CLYBL: variants seen among roughly 807,000 people sequenced by gnomAD.
CLYBL encodes the protein citramalyl-CoA lyase, mitochondrial.
A neutral mutation model predicts 38.9 loss-of-function variants in CLYBL; 31 were observed. That is an observed-to-expected ratio of 0.80 (90% CI 0.60 to 1.08). CLYBL has a LOEUF of 1.08. Among genes scored for constraint, CLYBL ranks in the 50% least tolerant of loss-of-function variants. The probability of loss-of-function intolerance (pLI) is 0.00; values close to 1 mark genes in which losing one functional copy is unlikely to be tolerated. For missense variants in CLYBL, 434 were observed against 411.6 expected (o/e 1.05, Z -0.47); for synonymous variants, 171 against 158.6 (o/e 1.08, Z -0.59).
At chr13:99,740,887 G>A (rs920119052) in intron 1 of CLYBL, among the ~76,000 whole-genome samples, 2 of 152,188 alleles carry the variant, frequency 1.3e-5, no homozygotes. Context: ...GATGGGCACC[G>A]TCCCTGGAGA....
intron 1 of CLYBL, among the ~76,000 whole-genome samples, chr13:99,663,351 G>A (rs1480504511): frequency 6.6e-6 from 1 of 152,164 alleles, no homozygotes; most frequent in African/African-American, 2.4e-5. Flanking sequence ...TTACGTGGCT[G>A]AAGAAGAATG....
downstream of CLYBL, among the ~76,000 whole-genome samples, chr13:99,901,059 T>C (rs1297992297): frequency 1.3e-5 from 2 of 152,036 alleles, no homozygotes; most frequent in African/African-American, 4.8e-5. Flanking sequence ...GGCTGGAAAA[T>C]GTCTTGGGTT....
At chr13:99,725,789 G>A (rs1049733913) in intron 1 of CLYBL, among the ~76,000 whole-genome samples, 1 of 152,276 alleles carries the variant, frequency 6.6e-6, no homozygotes, top group Non-Finnish European at 1.5e-5. Flanking sequence ...TCCCGGGGAG[G>A]CATTGTGGTG....
At chr13:99,733,715 C>G (rs569554203) in intron 1 of CLYBL, among the ~76,000 whole-genome samples, 1 of 152,332 alleles carries the variant, frequency 6.6e-6, no homozygotes, top group East Asian at 1.9e-4. Context: ...TTCTGAACAA[C>G]TGGAATTAAT....
intron 1 of CLYBL, among the ~76,000 whole-genome samples, chr13:99,634,019 A>G (rs2046985619): frequency 6.6e-6 from 1 of 152,190 alleles, no homozygotes; most frequent in Admixed American, 6.5e-5. Flanking sequence ...CCATTAACTC[A>G]CTGATCCCTT....
At chr13:99,670,886 T>C (rs1012989404) in intron 1 of CLYBL, among the ~76,000 whole-genome samples, 1 of 152,178 alleles carries the variant, frequency 6.6e-6, no homozygotes, top group Non-Finnish European at 1.5e-5. Flanking sequence ...GAGAATCAGA[T>C]CATGTCACTT....
At chr13:99,887,245 C>T (rs530067075) in intron 7 of CLYBL, among the ~76,000 whole-genome samples, 74 of 152,248 alleles carry the variant, frequency 4.9e-4, no homozygotes, top group South Asian at 2.1e-3. Flanking sequence ...AAGTCCCCCC[C>T]GCCCATTGTT....
At chr13:99,799,377 T>TCACACACACACCA (rs1555308850) in intron 2 of CLYBL, among the ~76,000 whole-genome samples, 1 of 150,176 alleles carries the variant, frequency 6.7e-6, no homozygotes, top group Non-Finnish European at 1.5e-5. Flanking sequence ...ATACACACAT[T>TCACACACACACCA]CACACACACA....
chr13:99,701,138 T>C (rs989745786), intron 1 of CLYBL, among the ~76,000 whole-genome samples: 1 of 152,180 alleles, frequency 6.6e-6, no homozygotes, highest in South Asian at 2.1e-4. Flanking sequence ...ACCAAGTCTC[T>C]AAATAATCTC....
At chr13:99,819,001 G>A (rs1393312321) in intron 2 of CLYBL, among the ~76,000 whole-genome samples, 3 of 151,894 alleles carry the variant, frequency 2.0e-5, no homozygotes, top group South Asian at 2.1e-4. Flanking sequence ...CTCTACAAGG[G>A]GACTTTTATA....
intron 1 of CLYBL, among the ~76,000 whole-genome samples, chr13:99,732,216 T>C (rs1301936072): frequency 1.4e-5 from 2 of 138,450 alleles, no homozygotes; most frequent in Non-Finnish European, 3.1e-5. Flanking sequence ...CCTTGTCACC[T>C]TGTCACCTAT....
Position 99,746,572 on chromosome 13 carries a change from G to A in CLYBL, c.63-26252G>A, listed in dbSNP as rs997049514. ...TCAACAGTGGGCATTCTAACTAGGG[G>A]CCTCTGCTTTGAATGTTCCTCATTG... On this transcript the variant is annotated intron_variant, in intron 1 of 8. Transcript: ENST00000339105. Among the ~76,000 whole-genome samples, 29 of 152,082 alleles carry A rather than the reference G, an allele frequency of 1.9e-4. 1 individual carries two copies. Among genetic ancestry groups the A allele is most frequent in the Admixed American group, 1.8e-3 (27 of 15,268 alleles).
Position 99,716,937 on chromosome 13 carries a change from A to C in CLYBL, c.63-55887A>C, listed in dbSNP as rs928571167. 7.4e-4 allele frequency among the ~76,000 whole-genome samples: 111 copies of C among 150,514 alleles called. 1 individual carries two copies. The highest frequency in any genetic ancestry group is 1.9e-4 in the Non-Finnish European group (13 of 67,614). ...CTCCCAAGTAGCTGGGATTACAGGC[A>C]TGTGCCACCACGTCCAGCTAATTTT... is the stretch of plus-strand genomic sequence containing the variant. On this transcript the variant is annotated intron_variant, in intron 1 of 8. Coordinates refer to ENST00000339105, the MANE Select transcript of CLYBL (RefSeq NM_206808.5).
rs533883426 is a variant in CLYBL at position 99,671,644 on chromosome 13, A to G, written c.62+64887A>G. Among the ~76,000 whole-genome samples, 3 of 152,032 alleles carry G rather than the reference A, an allele frequency of 2.0e-5. No homozygotes were observed. In the South Asian group the frequency reaches 6.2e-4, roughly 32 times the overall value. ...AAAATACAAAAATTAGCCAGGTGTGATGGTGCGTGCCTGTAATCCCAGCTA... is the reference window on the plus strand; with the variant it reads ...AAAATACAAAAATTAGCCAGGTGTGGTGGTGCGTGCCTGTAATCCCAGCTA... On this transcript the variant is annotated intron_variant, in intron 1 of 8. Transcript: ENST00000339105.
intron 7 of CLYBL, among the ~76,000 whole-genome samples, chr13:99,873,662 G>A (rs1156629972): frequency 7.0e-6 from 1 of 142,634 alleles, no homozygotes; most frequent in African/African-American, 2.5e-5. Flanking sequence ...AGGTATAGCT[G>A]AAGTTCACAG....
intron 1 of CLYBL, among the ~76,000 whole-genome samples, chr13:99,607,070 A>T (rs754473748): frequency 6.6e-6 from 1 of 152,188 alleles, no homozygotes; most frequent in African/African-American, 2.4e-5. Flanking sequence ...AGTCTTTGAG[A>T]GGCGGCTTGC....
At chr13:99,837,037 A>G (rs1014658436) in intron 2 of CLYBL, among the ~76,000 whole-genome samples, 1 of 151,868 alleles carries the variant, frequency 6.6e-6, no homozygotes, top group Non-Finnish European at 1.5e-5. Context: ...CTTAAAGTAT[A>G]ATAATTAAAA....
intron 1 of CLYBL, among the ~76,000 whole-genome samples, chr13:99,621,344 G>A (rs2046793612): frequency 6.6e-6 from 1 of 151,878 alleles, no homozygotes; most frequent in Non-Finnish European, 1.5e-5. Context: ...CACTCACCAT[G>A]CCCCACACTC....
chr13:99,608,674 C>T (rs2046571838), intron 1 of CLYBL, among the ~76,000 whole-genome samples: 1 of 152,056 alleles, frequency 6.6e-6, no homozygotes, highest in Admixed American at 6.5e-5. Flanking sequence ...CCTCACCCGC[C>T]TTAGCACACT....
Sources: allele counts gnomAD v4.1 joint callset (sites outside exome capture counted in the v4.1 genomes callset), GRCh38; gene constraint gnomAD v4.1.1; transcripts MANE v1.5; gene names NCBI Gene and HGNC (gene_info 2026-07-23, HGNC 2026-07-21).